The following NALF1 variants were observed in gnomAD, a reference collection of about 807,000 sequenced individuals.
The protein encoded by NALF1 is NALCN channel auxiliary factor 1.
A neutral mutation model predicts 48.4 loss-of-function variants in NALF1; 3 were observed. That is an observed-to-expected ratio of 0.06 (90% confidence interval 0.03 to 0.16). The LOEUF is 0.16. Ranked by LOEUF, NALF1 falls within the 10% of genes least tolerant of loss-of-function variation. NALF1 has a pLI of 1.00. For synonymous variants in NALF1, 262 were observed against 245.7 expected (o/e 1.07, Z -0.62); for missense variants, 526 against 571.5 (o/e 0.92, Z 0.81).
chr13:107,322,750 A>T (rs1882281619), intron 1 of NALF1, among the ~76,000 whole-genome samples: 1 of 152,162 alleles, frequency 6.6e-6, no homozygotes, highest in Non-Finnish European at 1.5e-5. Flanking sequence ...CACTCTTTCA[A>T]GTCCACAATT....
At chr13:107,283,416 G>A (rs1317935216) in intron 1 of NALF1, among the ~76,000 whole-genome samples, 2 of 151,454 alleles carry the variant, frequency 1.3e-5, no homozygotes, top group Non-Finnish European at 2.9e-5. Flanking sequence ...TCAAAAATGG[G>A]CAAAAGTTGA....
intron 1 of NALF1, among the ~76,000 whole-genome samples, chr13:107,351,719 T>C (rs1242147660): frequency 1.3e-5 from 2 of 152,234 alleles, no homozygotes; most frequent in African/African-American, 4.8e-5. Context: ...CCTTATTTCT[T>C]ATTCCCGAAT....
intron 1 of NALF1, among the ~76,000 whole-genome samples, chr13:107,483,804 ATAAATT>A (rs1299598883): frequency 3.3e-5 from 1 of 29,944 alleles, no homozygotes; most frequent in Non-Finnish European, 2.2e-4. Flanking sequence ...TGCATTAAAT[ATAAATT>A]AATATAACAT....
At chr13:107,352,182 C>T (rs1882889289) in intron 1 of NALF1, among the ~76,000 whole-genome samples, 1 of 152,212 alleles carries the variant, frequency 6.6e-6, no homozygotes, top group East Asian at 1.9e-4. Flanking sequence ...CAGAATCACT[C>T]CACAGTCAGG....
chr13:107,552,314 A>C (rs1163106761), intron 1 of NALF1, among the ~76,000 whole-genome samples: 1 of 152,218 alleles, frequency 6.6e-6, no homozygotes, highest in African/African-American at 2.4e-5. Context: ...TAGAAATGCA[A>C]CATGTGTCAA....
chr13:107,612,122 GA>G (rs1879246219), intron 1 of NALF1, among the ~76,000 whole-genome samples: 1 of 46,328 alleles, frequency 2.2e-5, no homozygotes, highest in Non-Finnish European at 4.0e-5. Context: ...GGGGAGGGGG[GA>G]GGGGAGGAGG....
intron 1 of NALF1, among the ~76,000 whole-genome samples, chr13:107,718,578 A>G (rs556482252): frequency 6.6e-6 from 1 of 152,312 alleles, no homozygotes; most frequent in Admixed American, 6.5e-5. Flanking sequence ...TGAGAGGAGT[A>G]TTTAGAGCTT....
At chr13:107,782,841 G>A (rs1318913273) in intron 1 of NALF1, among the ~76,000 whole-genome samples, 2 of 151,558 alleles carry the variant, frequency 1.3e-5, no homozygotes, top group South Asian at 2.1e-4. Flanking sequence ...GAGAAGTGAG[G>A]AGACCCTCCG....
intron 1 of NALF1, among the ~76,000 whole-genome samples, chr13:107,281,003 T>G (rs1436995976): frequency 6.6e-6 from 1 of 152,260 alleles, no homozygotes; most frequent in Non-Finnish European, 1.5e-5. Context: ...CTATGATGCA[T>G]GTCTATCTTT....
chr13:107,256,103 A>G (rs1880808403), intron 1 of NALF1, among the ~76,000 whole-genome samples: 1 of 152,226 alleles, frequency 6.6e-6, no homozygotes, highest in South Asian at 2.1e-4. Flanking sequence ...AATTTTTCAA[A>G]CTAGTTGTTG....
intron 1 of NALF1, among the ~76,000 whole-genome samples, chr13:107,641,199 A>C (rs1018834028): frequency 1.2e-4 from 18 of 152,192 alleles, no homozygotes; most frequent in African/African-American, 4.3e-4. Context: ...GTGGAAGCTA[A>C]AAAAGTAGAT....
At chr13:107,382,212 CTA>C (rs1259376524) in intron 1 of NALF1, among the ~76,000 whole-genome samples, 1 of 152,102 alleles carries the variant, frequency 6.6e-6, no homozygotes, top group Non-Finnish European at 1.5e-5. Flanking sequence ...GACCCAGTTG[CTA>C]TATAAATGAT....
At chr13:107,201,637 G>A (rs567967319) in intron 2 of NALF1, among the ~76,000 whole-genome samples, 1 of 152,238 alleles carries the variant, frequency 6.6e-6, no homozygotes, top group South Asian at 2.1e-4. Context: ...ACTATGCAGC[G>A]AGCAACAGGT....
intron 1 of NALF1, among the ~76,000 whole-genome samples, chr13:107,344,321 T>G (rs927180926): frequency 2.0e-5 from 3 of 152,006 alleles, no homozygotes; most frequent in Non-Finnish European, 4.4e-5. Context: ...AGGGAACACT[T>G]CCAAATCCAT....
chr13:107,685,287 T>C (rs1430434757), intron 1 of NALF1, among the ~76,000 whole-genome samples: 1 of 152,008 alleles, frequency 6.6e-6, no homozygotes, highest in Non-Finnish European at 1.5e-5. Context: ...TGCTCCAGCC[T>C]GGGTGACAAG....
At chr13:107,407,808 T>C (rs543838113) in intron 1 of NALF1, among the ~76,000 whole-genome samples, 22 of 152,262 alleles carry the variant, frequency 1.4e-4, no homozygotes, top group Admixed American at 7.2e-4. Flanking sequence ...CCCATGTTTA[T>C]TGCAGCACTA....
intron 1 of NALF1, among the ~76,000 whole-genome samples, chr13:107,693,029 G>A (rs1467759590): frequency 7.9e-5 from 12 of 152,096 alleles, no homozygotes; most frequent in Admixed American, 7.2e-4. Flanking sequence ...TGGGATTGCT[G>A]GGTCAAATGG....
chr13:107,658,628 A>G (rs1023862320), intron 1 of NALF1, among the ~76,000 whole-genome samples: 2 of 152,050 alleles, frequency 1.3e-5, no homozygotes, highest in Non-Finnish European at 2.9e-5. Flanking sequence ...TTAAATTATT[A>G]TATTTCTGAA....
At chr13:107,429,872 T>C (rs1336236965) in intron 1 of NALF1, among the ~76,000 whole-genome samples, 3 of 152,204 alleles carry the variant, frequency 2.0e-5, no homozygotes, top group African/African-American at 7.2e-5. Flanking sequence ...CTCAAAAACA[T>C]GTACAGTTTT....
Sources: gnomAD v4.1 joint callset for allele counts (sites outside exome capture counted in the v4.1 genomes callset) on GRCh38, gnomAD v4.1.1 for gene constraint, MANE v1.5 for transcripts, NCBI Gene and HGNC (gene_info 2026-07-23, HGNC 2026-07-21) for gene names.